Variants in CNTNAP5 observed in about 807,000 individuals in gnomAD.
CNTNAP5 encodes the protein contactin associated protein family member 5, also known as contactin-associated protein-like 5.
In CNTNAP5, 72 loss-of-function variants were observed where a neutral mutation model predicts 150.2. The ratio of observed to expected loss-of-function variants is 0.48; its 90% CI spans 0.40 to 0.58. The LOEUF is 0.58. Among genes scored for constraint, CNTNAP5 ranks in the 20% least tolerant of loss-of-function variants. The pLI is 0.00. For synonymous variants in CNTNAP5, 672 were observed against 619.8 expected (o/e 1.08, Z -1.25); for missense variants, 1,636 against 1,626.2 (o/e 1.01, Z -0.10).
intron 1 of CNTNAP5, among the ~76,000 whole-genome samples, chr2:124,048,467 C>A (rs1681602421): frequency 6.6e-6 from 1 of 152,120 alleles, no homozygotes; most frequent in Non-Finnish European, 1.5e-5. Context: ...AAGATATTAC[C>A]TGATAACATT....
At chr2:124,339,969 C>T (rs1245690437) in intron 3 of CNTNAP5, among the ~76,000 whole-genome samples, 1 of 152,002 alleles carries the variant, frequency 6.6e-6, no homozygotes, top group African/African-American at 2.4e-5. Context: ...TTAGAATTTG[C>T]AATAGAGATG....
At chr2:124,748,397 A>C (rs1323775055) in intron 14 of CNTNAP5, among the ~76,000 whole-genome samples, 1 of 152,116 alleles carries the variant, frequency 6.6e-6, no homozygotes, top group Non-Finnish European at 1.5e-5. Flanking sequence ...CATGCCCATT[A>C]CATTTACTCT....
chr2:124,294,329 G>A (rs1232574582), intron 3 of CNTNAP5, among the ~76,000 whole-genome samples: 1 of 152,018 alleles, frequency 6.6e-6, no homozygotes, highest in African/African-American at 2.4e-5. Flanking sequence ...TAAGTAATGA[G>A]AAGTATTATA....
At chr2:124,761,042 A>G (rs1451037143) in intron 14 of CNTNAP5, among the ~76,000 whole-genome samples, 2 of 152,052 alleles carry the variant, frequency 1.3e-5, no homozygotes, top group Non-Finnish European at 1.5e-5. Context: ...TCATCTCTCA[A>G]CTGTACTTAG....
chr2:124,918,438 T>C lies in CNTNAP5; in HGVS notation c.*4150T>C, dbSNP rs1267713266. ...TCACCTCTGAGCCTGAGTGAGTGTTTCCTGTCTTGAAGGTCATACTTGCTC... is the reference window on the plus strand; with the variant it reads ...TCACCTCTGAGCCTGAGTGAGTGTTCCCTGTCTTGAAGGTCATACTTGCTC... On this transcript the variant is annotated 3_prime_UTR_variant, in exon 24 of 24. Transcript: ENST00000682447. Among the ~76,000 whole-genome samples the C allele has an allele frequency of 2.0e-5, 3 of 152,082 alleles. No homozygotes were observed. Among genetic ancestry groups the C allele is most frequent in the Non-Finnish European group, 4.4e-5 (3 of 68,000 alleles).
At chr2:124,320,244 T>C (rs1378692496) in intron 3 of CNTNAP5, among the ~76,000 whole-genome samples, 1 of 152,226 alleles carries the variant, frequency 6.6e-6, no homozygotes, top group Non-Finnish European at 1.5e-5. Context: ...AAACAGATGT[T>C]GATAGATTGC....
intron 3 of CNTNAP5, among the ~76,000 whole-genome samples, chr2:124,316,804 C>CAAAAAAAAAA (rs56812690): frequency 1.8e-5 from 1 of 54,782 alleles, no homozygotes. Flanking sequence ...GACTCCATCT[C>CAAAAAAAAAA]AAAAAAAAAA....
chr2:124,648,219 T>G (rs1678247261), intron 13 of CNTNAP5, among the ~76,000 whole-genome samples: 1 of 152,158 alleles, frequency 6.6e-6, no homozygotes, highest in African/African-American at 2.4e-5. Flanking sequence ...CCTGCAACAG[T>G]TGTGAGAATG....
rs185823936 is a variant in CNTNAP5, at chr2:124,909,572, T to C, written c.3656-1895T>C. ...GGATAAACAAGAATAACAAGCACAG[T>C]GGACAGTGTGATACAGGAGATCTAA... On this transcript the variant is annotated intron_variant, in intron 22 of 23. Transcript: ENST00000682447. Among the ~76,000 whole-genome samples the C allele has an allele frequency of 1.1e-3, 174 of 152,086 alleles. 2 individuals are homozygous for C. The highest frequency in any genetic ancestry group is 9.7e-3 in the Admixed American group (148 of 15,258).
rs183629199 is a variant in CNTNAP5, at chr2:124,778,997, T to C, written c.2752+5980T>C. On this transcript the variant is annotated intron_variant, in intron 17 of 23. Transcript: ENST00000682447. Reference sequence around the variant, plus strand: ...GTTATCGTCCCTGTTTCAAGGTAAATAAGGATCTGCTCTCAGGCTCATCTT... The same window carrying C: ...GTTATCGTCCCTGTTTCAAGGTAAACAAGGATCTGCTCTCAGGCTCATCTT... 1.5e-3 allele frequency among the ~76,000 whole-genome samples: 228 copies of C among 152,280 alleles called. 1 individual carries two copies. The highest frequency in any genetic ancestry group is 5.2e-3 in the African/African-American group (216 of 41,568).
In CNTNAP5 at chr2:124,578,187, G is replaced by A. The variant is rs925189321; in HGVS notation, c.1756+14864G>A. ...AAAAAAAAAAAAAAAAAAATTAGCC[G>A]GGCATGGTGGCAGGCACCTGTAATC... On this transcript the variant is annotated intron_variant, in intron 11 of 23. Coordinates refer to ENST00000682447, the MANE Select transcript of CNTNAP5 (RefSeq NM_001367498.1). Among the ~76,000 whole-genome samples the A allele has an allele frequency of 1.9e-4, 29 of 150,032 alleles. No homozygotes were observed. In the South Asian group the frequency reaches 3.8e-3, roughly 20 times the overall value.
intron 13 of CNTNAP5, among the ~76,000 whole-genome samples, chr2:124,713,248 TCTTTC>T (rs1679852844): frequency 1.0e-5 from 1 of 98,606 alleles, no homozygotes; most frequent in Admixed American, 1.0e-4. Context: ...TCTTTCTCTT[TCTTTC>T]TTTCTTTCTT....
intron 19 of CNTNAP5, among the ~76,000 whole-genome samples, chr2:124,845,719 T>A (rs1034563708): frequency 6.6e-6 from 1 of 152,054 alleles, no homozygotes; most frequent in African/African-American, 2.4e-5. Context: ...TCTAGGACGG[T>A]TGTGTATTTC....
chr2:124,566,140 AC>A (rs1696019591), intron 11 of CNTNAP5, among the ~76,000 whole-genome samples: 1 of 118,380 alleles, frequency 8.4e-6, no homozygotes, highest in Non-Finnish European at 2.0e-5. Context: ...ATGTTGCAGG[AC>A]CCCCATAAGG....
At chr2:124,036,397 C>T (rs1489738430) in intron 1 of CNTNAP5, among the ~76,000 whole-genome samples, 1 of 151,876 alleles carries the variant, frequency 6.6e-6, no homozygotes, top group Non-Finnish European at 1.5e-5. Flanking sequence ...CCAGTCCCAC[C>T]CCAAGTCTTC....
At chr2:124,178,237 A>G (rs1685117187) in intron 1 of CNTNAP5, among the ~76,000 whole-genome samples, 1 of 152,120 alleles carries the variant, frequency 6.6e-6, no homozygotes, top group Non-Finnish European at 1.5e-5. Flanking sequence ...ATCTTTTCTC[A>G]GTGATGTATT....
At chr2:124,029,257 T>C (rs1680976810) in intron 1 of CNTNAP5, among the ~76,000 whole-genome samples, 1 of 152,054 alleles carries the variant, frequency 6.6e-6, no homozygotes. Context: ...CTTTGAGTTA[T>C]CCGAAGCTTA....
chr2:124,880,624 A>G (rs1445109421), intron 21 of CNTNAP5, among the ~76,000 whole-genome samples: 1 of 152,138 alleles, frequency 6.6e-6, no homozygotes, highest in Non-Finnish European at 1.5e-5. Context: ...TTGTTTGTAG[A>G]TAATTCATTG....
intron 19 of CNTNAP5, among the ~76,000 whole-genome samples, chr2:124,864,849 C>G (rs1470900247): frequency 1.3e-5 from 2 of 152,094 alleles, no homozygotes; most frequent in African/African-American, 4.8e-5. Context: ...TGGCCACATT[C>G]CCATCATGGG....
Sources: gnomAD v4.1 joint callset for allele counts (sites outside exome capture counted in the v4.1 genomes callset) on GRCh38, gnomAD v4.1.1 for gene constraint, MANE v1.5 for transcripts, NCBI Gene and HGNC (gene_info 2026-07-23, HGNC 2026-07-21) for gene names.